FXYD6: variants seen among roughly 807,000 people sequenced by gnomAD.
FXYD6 encodes the protein FXYD domain-containing ion transport regulator 6.
FXYD6 carries 7 observed loss-of-function variants against 16.7 expected under a neutral mutation model. That is an observed-to-expected ratio of 0.42 (90% confidence interval 0.24 to 0.79). The LOEUF is 0.79. Among genes scored for constraint, FXYD6 ranks in the 30% least tolerant of loss-of-function variants. The pLI, the probability that FXYD6 is intolerant of heterozygous loss-of-function variation, is 0.28. For missense variants in FXYD6, 111 were observed against 116.2 expected, an observed-to-expected ratio of 0.95 and a Z score of 0.21; for synonymous variants, 49 against 43.0, an observed-to-expected ratio of 1.14 and a Z score of -0.54.
chr11:117,841,148 C>T lies in FXYD6; in HGVS notation c.209G>A (p.Arg70Gln), dbSNP rs2056333311. 4 of 1,614,064 alleles carry T rather than the reference C, an allele frequency of 2.5e-6. No homozygotes were observed. The highest frequency in any genetic ancestry group is 3.4e-6 in the Non-Finnish European group (4 of 1,180,004). ...AAGGCCACTGCCACGGCATCCTTAC[C>T]GGGGCTTCTGATTGAAACTGCACTT... ...RCKCSFNQKP[R>Q]APGDEEAQVE... is the part of the protein sequence containing the mutation. Residue 70 changes from arginine to glutamine, a missense_variant and splice_region_variant, in exon 5 of 8, where the codon CGG becomes CAG. Transcript: ENST00000526014.
rs2056364032 is a variant in FXYD6, at chr11:117,842,211, T to C, written c.59-183A>G. Reference sequence around the variant, plus strand: ...GCCAGTTAGGGGGTTAGGGGAACCCTAAGGGCCGAGGTCAGTGAAGGCATC... The same window carrying C: ...GCCAGTTAGGGGGTTAGGGGAACCCCAAGGGCCGAGGTCAGTGAAGGCATC... On this transcript the variant is annotated intron_variant, in intron 2 of 7. Coordinates refer to ENST00000526014, the MANE Select transcript of FXYD6 (RefSeq NM_022003.4). 5 of 821,290 alleles carry C rather than the reference T, an allele frequency of 6.1e-6. No homozygotes were observed. In the African/African-American group the frequency reaches 8.6e-5, roughly 14 times the overall value. The allele number at this position is 821,290 out of a possible 1,614,324, so 50.9% of individuals were successfully genotyped here.
At chr11:117,856,962 A>G (rs2134172501) in intron 1 of FXYD6, among the ~76,000 whole-genome samples, 1 of 152,282 alleles carries the variant, frequency 6.6e-6, no homozygotes, top group South Asian at 2.1e-4. Flanking sequence ...CTGGCAGAGC[A>G]GTGGCCAGGA....
rs780911025 is a variant in FXYD6 at position 117,840,386 on chromosome 11, A to C, written c.210-18T>G. The C allele has an allele frequency of 6.2e-7, 1 of 1,614,110 alleles. No homozygotes were observed. The highest frequency in any genetic ancestry group is 8.5e-7 in the Non-Finnish European group (1 of 1,180,016). ...CTGGGGCCCTGCAGGAGAAAGAGAC[A>C]CACAGCCCCATCAGAGATCTCCAGG... On this transcript the variant is annotated intron_variant, in intron 5 of 7. Coordinates refer to ENST00000526014, the MANE Select transcript of FXYD6 (RefSeq NM_022003.4).
chr11:117,845,309 A>G (rs1335184598), intron 1 of FXYD6, among the ~76,000 whole-genome samples: 2 of 152,256 alleles, frequency 1.3e-5, no homozygotes, highest in South Asian at 4.1e-4. Context: ...TCTACCTTGT[A>G]GCATGTATGC....
At chr11:117,850,984 C>G (rs543610031) in intron 1 of FXYD6, among the ~76,000 whole-genome samples, 1 of 152,242 alleles carries the variant, frequency 6.6e-6, no homozygotes, top group South Asian at 2.1e-4. Context: ...TACAAAAATA[C>G]AAATCATCCC....
chr11:117,841,606 G>A (rs762840033), intron 4 of FXYD6, 185 bp downstream of exon 4: 151 of 643,872 alleles, frequency 2.3e-4, no homozygotes, highest in Non-Finnish European at 3.4e-4. Context: ...CTTTGTTCCC[G>A]TGTCACTGTT....
intron 1 of FXYD6, among the ~76,000 whole-genome samples, chr11:117,843,416 G>A (rs189139053): frequency 8.0e-4 from 122 of 152,306 alleles, no homozygotes; most frequent in Admixed American, 1.7e-3. Flanking sequence ...CCTCCACCAC[G>A]TTGCCTCTGG....
rs536174749 is a variant in FXYD6, at chr11:117,855,735, G to C, written c.-5-12954C>G. Among the ~76,000 whole-genome samples, 3 of 152,336 alleles carry C rather than the reference G, an allele frequency of 2.0e-5. No individual in the cohort carries two copies. The South Asian group carries it at 6.2e-4, about 32-fold the overall frequency. ...GCTGAAGTGAGCGGAGAGGGCACAGGAACAGGGCATGCACCGCCACCTGCG... is the reference window on the plus strand; with the variant it reads ...GCTGAAGTGAGCGGAGAGGGCACAGCAACAGGGCATGCACCGCCACCTGCG... On this transcript the variant is annotated intron_variant, in intron 1 of 7. Coordinates refer to ENST00000526014, the MANE Select transcript of FXYD6 (RefSeq NM_022003.4).
intron 1 of FXYD6, among the ~76,000 whole-genome samples, chr11:117,864,874 C>T (rs944304937): frequency 9.2e-5 from 14 of 152,134 alleles, no homozygotes; most frequent in South Asian, 2.1e-4. Flanking sequence ...CATGGGTCAC[C>T]GCGTCTGGCC....
At chr11:117,864,006 T>A (rs2056962588) in intron 1 of FXYD6, among the ~76,000 whole-genome samples, 1 of 152,186 alleles carries the variant, frequency 6.6e-6, no homozygotes, top group Non-Finnish European at 1.5e-5. Context: ...CTAATATTTT[T>A]AAGATATTAA....
Position 117,870,597 on chromosome 11 carries a change from G to C in FXYD6, c.-6+5995C>G, listed in dbSNP as rs2057112773. ...TCTGGCCTGCATGTTTCAGCCTACA[G>C]GGCACTTTGCACAATTTCATATTGT... On this transcript the variant is annotated intron_variant, in intron 1 of 7. Transcript: ENST00000526014. The surrounding 1 kb of genome is among the most constrained non-coding windows in gnomAD (Gnocchi z 4.2). 6.6e-6 allele frequency among the ~76,000 whole-genome samples: 1 copy of C among 152,238 alleles called. No individual in the cohort carries two copies. The highest frequency in any genetic ancestry group is 6.5e-5 in the Admixed American group (1 of 15,292).
At chr11:117,867,312 T>C (rs981172805) in intron 1 of FXYD6, among the ~76,000 whole-genome samples, 6 of 152,214 alleles carry the variant, frequency 3.9e-5, no homozygotes, top group Admixed American at 3.9e-4. Flanking sequence ...GGTTACGGCC[T>C]CACCAAGTTT....
chr11:117,864,044 A>G (rs935480985), intron 1 of FXYD6, among the ~76,000 whole-genome samples: 5 of 152,214 alleles, frequency 3.3e-5, no homozygotes, highest in African/African-American at 1.2e-4. Context: ...TATAGATTTA[A>G]TGCAATCCCT....
In FXYD6 at chr11:117,867,706, A is replaced by T. The variant is rs913516895; in HGVS notation, c.-6+8886T>A. Among the ~76,000 whole-genome samples the T allele has an allele frequency of 3.3e-5, 5 of 152,130 alleles. 1 individual carries two copies. Among genetic ancestry groups the T allele is most frequent in the African/African-American group, 1.2e-4 (5 of 41,410 alleles). On this transcript the variant is annotated intron_variant, in intron 1 of 7. Coordinates refer to ENST00000526014, the MANE Select transcript of FXYD6 (RefSeq NM_022003.4). ...TTTCAGCTAAGATGGTCTACGTTCC[A>T]TCTTCTGCCACATGTGTCTCTAACT...
intron 1 of FXYD6, among the ~76,000 whole-genome samples, chr11:117,844,492 A>T (rs1288276963): frequency 6.6e-6 from 1 of 151,620 alleles, no homozygotes; most frequent in African/African-American, 2.4e-5. Context: ...TTTTATTTTT[A>T]TTTATTTATT....
intron 1 of FXYD6, among the ~76,000 whole-genome samples, chr11:117,851,684 A>C (rs1021948510): frequency 6.6e-6 from 1 of 152,254 alleles, no homozygotes; most frequent in African/African-American, 2.4e-5. Context: ...TTATTCCTAA[A>C]GAACATCTTT....
In FXYD6 at chr11:117,837,435, C is replaced by G. The variant is rs2056224875; in HGVS notation, c.*864G>C. On this transcript the variant is annotated 3_prime_UTR_variant, in exon 8 of 8. Coordinates refer to ENST00000526014, the MANE Select transcript of FXYD6 (RefSeq NM_022003.4). The surrounding 1 kb of genome is among the most constrained non-coding windows in gnomAD (Gnocchi z 4.4). Reference sequence around the variant, plus strand: ...GGGCTGTAGATTGAAGTCTCAGAAGCAGGGAAGGTTGGAAGGGGTAGGGTC... The same window carrying G: ...GGGCTGTAGATTGAAGTCTCAGAAGGAGGGAAGGTTGGAAGGGGTAGGGTC... The G allele has an allele frequency of 6.5e-6, 1 of 152,760 alleles. No homozygotes were observed. Among genetic ancestry groups the G allele is most frequent in the Non-Finnish European group, 1.5e-5 (1 of 68,186 alleles). 9.5% of individuals were successfully genotyped at this position (152,760 alleles called of 1,614,324 possible). A position where few individuals can be genotyped will look rare whatever the true frequency, so the allele number is the denominator to read the frequency against.
At chr11:117,853,745 G>A (rs1181070159) in intron 1 of FXYD6, among the ~76,000 whole-genome samples, 1 of 152,104 alleles carries the variant, frequency 6.6e-6, no homozygotes, top group East Asian at 1.9e-4. Context: ...CTTCTGGCTC[G>A]GCCTCCTTAA....
At chr11:117,862,095 C>A (rs1390143087) in intron 1 of FXYD6, among the ~76,000 whole-genome samples, 1 of 152,112 alleles carries the variant, frequency 6.6e-6, no homozygotes, top group Non-Finnish European at 1.5e-5. Flanking sequence ...AAAGGCGATG[C>A]CCCAGAGGAA....
Sources: allele counts gnomAD v4.1 joint callset (sites outside exome capture counted in the v4.1 genomes callset), GRCh38; gene constraint gnomAD v4.1.1; non-coding constraint Gnocchi (gnomAD v3.1); transcripts MANE v1.5; gene names NCBI Gene and HGNC (gene_info 2026-07-23, HGNC 2026-07-21).